The following SMYD3 variants were observed in gnomAD, a reference collection of about 807,000 sequenced individuals.
SMYD3 encodes the protein SET and MYND domain containing 3.
In SMYD3, 36 loss-of-function variants were observed where a neutral mutation model predicts 57.7. The observed-to-expected ratio is 0.62, with a 90% CI of 0.48 to 0.82. The LOEUF (loss-of-function observed/expected upper bound fraction) is 0.82, where lower values mean the gene tolerates loss of function less well. Among genes scored for constraint, SMYD3 ranks in the 40% least tolerant of loss-of-function variants. The pLI is 0.00. For missense variants in SMYD3, 515 were observed against 538.8 expected, an observed-to-expected ratio of 0.96 and a Z score of 0.44; for synonymous variants, 211 against 195.0, an observed-to-expected ratio of 1.08 and a Z score of -0.68.
intron 1 of SMYD3, among the ~76,000 whole-genome samples, chr1:246,468,467 C>A (rs1341757163): frequency 6.6e-6 from 1 of 151,832 alleles, no homozygotes; most frequent in Non-Finnish European, 1.5e-5. Flanking sequence ...ATGGTGAAAC[C>A]CCATCTCCAC....
At chr1:246,339,939 C>T (rs2065605836) in intron 2 of SMYD3, among the ~76,000 whole-genome samples, 1 of 152,200 alleles carries the variant, frequency 6.6e-6, no homozygotes, top group African/African-American at 2.4e-5. Flanking sequence ...CCTCCAGAAA[C>T]ACCAGCCAAA....
chr1:245,812,085 T>C (rs994842362), intron 10 of SMYD3, among the ~76,000 whole-genome samples: 3 of 152,158 alleles, frequency 2.0e-5, no homozygotes, highest in African/African-American at 7.2e-5. Context: ...GTTCGGTGGC[T>C]TGAGATTGGC....
chr1:246,107,265 T>A (rs371968101), intron 5 of SMYD3, among the ~76,000 whole-genome samples: 1 of 151,258 alleles, frequency 6.6e-6, no homozygotes, highest in Non-Finnish European at 1.5e-5. Flanking sequence ...CCAGCCTGGG[T>A]GACAGAGCAA....
chr1:246,371,206 T>C (rs1183344362), intron 1 of SMYD3, among the ~76,000 whole-genome samples: 1 of 152,174 alleles, frequency 6.6e-6, no homozygotes, highest in Non-Finnish European at 1.5e-5. Context: ...ATTTAAAAGA[T>C]TATACACTGC....
At chr1:245,770,907 T>C (rs965412225) in intron 10 of SMYD3, among the ~76,000 whole-genome samples, 1 of 152,078 alleles carries the variant, frequency 6.6e-6, no homozygotes, top group Non-Finnish European at 1.5e-5. Context: ...ATTAGTGAAC[T>C]GCAAGGTAGG....
intron 5 of SMYD3, among the ~76,000 whole-genome samples, chr1:246,087,706 T>C (rs1405189794): frequency 6.6e-6 from 1 of 152,172 alleles, no homozygotes; most frequent in Non-Finnish European, 1.5e-5. Context: ...GATTTTAACT[T>C]TCAACAAGTA....
intron 5 of SMYD3, among the ~76,000 whole-genome samples, chr1:246,116,064 T>C (rs537991759): frequency 3.0e-4 from 45 of 152,174 alleles, no homozygotes; most frequent in African/African-American, 1.1e-3. Context: ...TGCTTGAACC[T>C]GGGAGGCAGA....
chr1:246,450,555 G>A (rs1193524997), intron 1 of SMYD3, among the ~76,000 whole-genome samples: 4 of 152,154 alleles, frequency 2.6e-5, no homozygotes, highest in South Asian at 2.1e-4. Context: ...GGAATTCATC[G>A]AATGGTATAC....
intron 5 of SMYD3, among the ~76,000 whole-genome samples, chr1:245,973,805 T>C (rs376233672): frequency 2.6e-5 from 4 of 152,312 alleles, no homozygotes; most frequent in African/African-American, 9.6e-5. Flanking sequence ...TGAGTACTTT[T>C]TTGGGGGGTT....
intron 5 of SMYD3, among the ~76,000 whole-genome samples, chr1:246,247,461 C>T (rs1213613052): frequency 2.1e-5 from 2 of 96,014 alleles, no homozygotes; most frequent in Middle Eastern, 4.2e-3. Flanking sequence ...CTCTCTCTCT[C>T]TCTCTATATA....
At chr1:246,083,123 G>A (rs1186035970) in intron 5 of SMYD3, among the ~76,000 whole-genome samples, 3 of 151,930 alleles carry the variant, frequency 2.0e-5, no homozygotes, top group African/African-American at 4.8e-5. Context: ...GTGCTGAGGA[G>A]GATTAGTAAA....
chr1:246,227,642 G>A (rs1454636566), intron 5 of SMYD3, among the ~76,000 whole-genome samples: 1 of 151,570 alleles, frequency 6.6e-6, no homozygotes, highest in African/African-American at 2.4e-5. Flanking sequence ...GAAAGAAGAA[G>A]AAGGAAGAAG....
intron 5 of SMYD3, among the ~76,000 whole-genome samples, chr1:246,106,474 G>A (rs1011287987): frequency 2.0e-5 from 3 of 148,612 alleles, no homozygotes; most frequent in South Asian, 2.2e-4. Context: ...ACAGCAAGGC[G>A]AGTAAACTGA....
At chr1:245,766,828 C>T (rs1380814778) in intron 10 of SMYD3, among the ~76,000 whole-genome samples, 1 of 152,192 alleles carries the variant, frequency 6.6e-6, no homozygotes, top group Non-Finnish European at 1.5e-5. Context: ...TGTCATTACG[C>T]CATGACAGGT....
intron 10 of SMYD3, among the ~76,000 whole-genome samples, chr1:245,805,329 T>C (rs550530976): frequency 4.6e-4 from 70 of 152,274 alleles, no homozygotes; most frequent in African/African-American, 1.6e-3. Flanking sequence ...CTGTGAAAAA[T>C]TGCACAAGCC....
chr1:246,192,505 C>A (rs2062754994), intron 5 of SMYD3, among the ~76,000 whole-genome samples: 1 of 152,160 alleles, frequency 6.6e-6, no homozygotes, highest in Admixed American at 6.5e-5. Context: ...ATCCTCCTAC[C>A]TCAGCCTCCC....
chr1:246,359,518 A>G (rs966633909), intron 1 of SMYD3, among the ~76,000 whole-genome samples: 1 of 152,152 alleles, frequency 6.6e-6, no homozygotes, highest in Non-Finnish European at 1.5e-5. Flanking sequence ...CAAAAAATTA[A>G]AACTACAGAC....
chr1:246,480,943 C>G (rs1022148768), intron 1 of SMYD3, among the ~76,000 whole-genome samples: 1 of 151,996 alleles, frequency 6.6e-6, no homozygotes, highest in African/African-American at 2.4e-5. Flanking sequence ...GGATTACAGG[C>G]GTGTGCCACC....
At chr1:245,849,286 G>A (rs2050829403) in intron 10 of SMYD3, among the ~76,000 whole-genome samples, 3 of 152,228 alleles carry the variant, frequency 2.0e-5, no homozygotes, top group African/African-American at 7.2e-5. Context: ...GGGAGCTTGA[G>A]TGTTAAAAGA....
Sources: allele counts gnomAD v4.1 joint callset (sites outside exome capture counted in the v4.1 genomes callset), GRCh38; gene constraint gnomAD v4.1.1; transcripts MANE v1.5; gene names NCBI Gene and HGNC (gene_info 2026-07-23, HGNC 2026-07-21).